The following UBXN7 variants were observed in gnomAD, a reference collection of about 807,000 sequenced individuals.
UBXN7 encodes the protein UBX domain protein 7.
UBXN7 carries 9 observed loss-of-function variants against 58.0 expected under a neutral mutation model. That is an observed-to-expected ratio of 0.16 (90% CI 0.09 to 0.27). The LOEUF (loss-of-function observed/expected upper bound fraction) is 0.27, where lower values mean the gene tolerates loss of function less well. Among genes scored for constraint, UBXN7 ranks in the 10% least tolerant of loss-of-function variants. The pLI, the probability that UBXN7 is intolerant of heterozygous loss-of-function variation, is 1.00. For missense variants in UBXN7, 328 were observed against 599.6 expected, an observed-to-expected ratio of 0.55 and a Z score of 4.73; for synonymous variants, 208 against 205.0, an observed-to-expected ratio of 1.01 and a Z score of -0.12.
At position 196,350,743 on chromosome 3, in the gene UBXN7, T is replaced by C. The variant is rs1224252271; in HGVS notation, c.*5942A>G. On this transcript the variant is annotated 3_prime_UTR_variant, in exon 11 of 11. Coordinates refer to ENST00000296328, the MANE Select transcript of UBXN7 (RefSeq NM_015562.2). ...CCATCACTGAAATACCAAATCTCTA[T>C]GTAACAGGAGAAACCGATATATTGG... 1 of 152,234 alleles carries C rather than the reference T, an allele frequency of 6.6e-6. No individual in the cohort carries two copies. The highest frequency in any genetic ancestry group is 1.5e-5 in the Non-Finnish European group (1 of 68,040). 9.4% of individuals were successfully genotyped at this position (152,234 alleles called of 1,614,324 possible). A position where few individuals can be genotyped will look rare whatever the true frequency, so the allele number is the denominator to read the frequency against.
intron 1 of UBXN7, among the ~76,000 whole-genome samples, chr3:196,418,820 T>G (rs1446119154): frequency 6.6e-6 from 1 of 152,142 alleles, no homozygotes; most frequent in Admixed American, 6.5e-5. Flanking sequence ...ACTGTAATAT[T>G]TTGGGGCACA....
At chr3:196,410,033 G>C (rs376938600) in intron 1 of UBXN7, among the ~76,000 whole-genome samples, 1 of 151,350 alleles carries the variant, frequency 6.6e-6, no homozygotes, top group African/African-American at 2.4e-5. Flanking sequence ...CTCCACTTCA[G>C]GGTTCAAGCG....
rs756970987 is a variant in UBXN7, at chr3:196,391,775, G to C, written c.468+38C>G. 35 of 1,478,034 alleles carry C rather than the reference G, an allele frequency of 2.4e-5. No homozygotes were observed. In the South Asian group the frequency reaches 4.2e-4, roughly 18 times the overall value. The allele number at this position is 1,478,034 out of a possible 1,614,324, so 91.6% of individuals were successfully genotyped here. A position where few individuals can be genotyped will look rare whatever the true frequency, so the allele number is the denominator to read the frequency against. On this transcript the variant is annotated intron_variant, in intron 5 of 10. Transcript: ENST00000296328. Reference sequence around the variant, plus strand: ...AAAAAAAGGCATTGAAAATGCAAAAGGATTCATAGTTAAGGCACTGACTCT... The same window carrying C: ...AAAAAAAGGCATTGAAAATGCAAAACGATTCATAGTTAAGGCACTGACTCT...
intron 5 of UBXN7, among the ~76,000 whole-genome samples, chr3:196,380,253 A>T (rs1262652070): frequency 1.3e-5 from 2 of 149,396 alleles, no homozygotes; most frequent in Non-Finnish European, 3.0e-5. Context: ...GCGAGATTTC[A>T]TCTCAAAAAA....
At position 196,432,370 on chromosome 3, in the gene UBXN7, G is replaced by C; in HGVS notation, c.30C>G (p.Ser10=). The C allele has an allele frequency of 6.3e-7, 1 of 1,597,112 alleles. No homozygotes were observed. MAAHGGSAA[S]SALKGLIQQF... Reference sequence around the variant, plus strand: ...GTTGAATTAACCCCTTCAGCGCCGAGGACGCCGCGGAGCCCCCGTGGGCAG... The same window carrying C: ...GTTGAATTAACCCCTTCAGCGCCGACGACGCCGCGGAGCCCCCGTGGGCAG... Residue 10 remains serine (S), a synonymous_variant, in exon 1 of 11, where the codon TCC becomes TCG. Transcript: ENST00000296328.
intron 1 of UBXN7, 69 bp from the exon 2 acceptor site, chr3:196,407,462 CAT>C: frequency 1.3e-6 from 2 of 1,518,896 alleles, no homozygotes; most frequent in Non-Finnish European, 1.8e-6. Context: ...TTCTTCAGCT[CAT>C]ATTAGAATTC....
Position 196,356,739 on chromosome 3 carries a change from C to T in UBXN7, c.1416G>A (p.Leu472=), listed in dbSNP as rs760738440. Residue 472 remains leucine (L), a synonymous_variant, in exon 11 of 11, where the codon TTG becomes TTA. Coordinates refer to ENST00000296328, the MANE Select transcript of UBXN7 (RefSeq NM_015562.2). ...CTTGAGGACAAAGGCCTGCCTCTTG[C>T]AATGTAATATCATAGTCCAGATGAG... The part of the protein sequence containing the change: ...KLSHLDYDIT[L]QEAGLCPQET... 46 of 1,612,368 alleles carry T rather than the reference C, an allele frequency of 2.9e-5. No individual in the cohort carries two copies. Among genetic ancestry groups the T allele is most frequent in the Non-Finnish European group, 3.9e-5 (46 of 1,179,724 alleles).
intron 1 of UBXN7, among the ~76,000 whole-genome samples, chr3:196,420,597 G>A (rs1344799741): frequency 1.3e-5 from 2 of 151,844 alleles, no homozygotes; most frequent in African/African-American, 4.8e-5. Flanking sequence ...ATTGTAGGCA[G>A]CAGCAGGGTG....
At chr3:196,415,182 C>G (rs947312301) in intron 1 of UBXN7, among the ~76,000 whole-genome samples, 4 of 136,970 alleles carry the variant, frequency 2.9e-5, no homozygotes, top group African/African-American at 1.1e-4. Context: ...GAGACAGAGT[C>G]TCGTTCTGTT....
chr3:196,393,509 T>C (rs373625132), intron 4 of UBXN7, 45 bp downstream of exon 4: 33 of 1,549,404 alleles, frequency 2.1e-5, no homozygotes, highest in Middle Eastern at 3.4e-4. Flanking sequence ...GTCTTTTTAA[T>C]AGGAAGAGAA....
chr3:196,401,300 C>CAT (rs1729970594), intron 3 of UBXN7, among the ~76,000 whole-genome samples: 1 of 56,502 alleles, frequency 1.8e-5, no homozygotes, highest in Admixed American at 3.1e-4. Flanking sequence ...TATATATATA[C>CAT]ACACACACAC....
chr3:196,375,004 GAGGAAGGAAGGAAGGA>G (rs1179864500), intron 5 of UBXN7, among the ~76,000 whole-genome samples: 1,405 of 37,368 alleles, frequency 0.038, 29 homozygotes, highest in Non-Finnish European at 0.047. Flanking sequence ...GGGAGGGAGG[GAGGAAGGAAGGAAGGA>G]AGGAAGGAAG....
intron 5 of UBXN7, among the ~76,000 whole-genome samples, chr3:196,388,100 A>T (rs1425545508): frequency 6.6e-6 from 1 of 152,088 alleles, no homozygotes; most frequent in Non-Finnish European, 1.5e-5. Context: ...ACAACATGGA[A>T]TACTATGCAG....
chr3:196,373,390 T>C (rs766263942), intron 5 of UBXN7, among the ~76,000 whole-genome samples: 1 of 152,192 alleles, frequency 6.6e-6, no homozygotes, highest in South Asian at 2.1e-4. Context: ...TAAAGACCCA[T>C]GAAATGCTGC....
chr3:196,431,803 G>A, intron 1 of UBXN7: 2 of 426,580 alleles, frequency 4.7e-6, no homozygotes, highest in Admixed American at 2.7e-5. Context: ...CGTGAAGGCG[G>A]GAGGGCCCGA....
chr3:196,401,298 TACACAC>T (rs71630187), intron 3 of UBXN7, among the ~76,000 whole-genome samples: 26 of 61,682 alleles, frequency 4.2e-4, no homozygotes, highest in African/African-American at 1.5e-3. Context: ...TATATATATA[TACACAC>T]ACACACACAC....
At position 196,373,901 on chromosome 3, in the gene UBXN7, G is replaced by C. The variant is rs192329379; in HGVS notation, c.469-1859C>G. Among the ~76,000 whole-genome samples the C allele has an allele frequency of 5.8e-3, 878 of 152,194 alleles. 11 individuals carry two copies. Among genetic ancestry groups the C allele is most frequent in the Middle Eastern group, 0.037 (11 of 294 alleles). On this transcript the variant is annotated intron_variant, in intron 5 of 10. Transcript: ENST00000296328. ...TAATATTTGCTTACTGATTCCATGG[G>C]TGAAAACCCAAGGTCTAAAAAGAAA... is the stretch of plus-strand genomic sequence containing the variant.
At chr3:196,431,942 G>A (rs1184777605) in intron 1 of UBXN7, 1 of 410,870 alleles carries the variant, frequency 2.4e-6, no homozygotes, top group Admixed American at 3.5e-5. Flanking sequence ...CGCACCGCAG[G>A]GCTGCACAGA....
intron 1 of UBXN7, among the ~76,000 whole-genome samples, chr3:196,428,538 G>C (rs1355340243): frequency 6.6e-6 from 1 of 152,020 alleles, no homozygotes; most frequent in South Asian, 2.1e-4. Context: ...AGAAGTGGAA[G>C]ATAATATGTA....
Sources: allele counts gnomAD v4.1 joint callset (sites outside exome capture counted in the v4.1 genomes callset), GRCh38; gene constraint gnomAD v4.1.1; transcripts MANE v1.5; gene names NCBI Gene and HGNC (gene_info 2026-07-23, HGNC 2026-07-21).